NUTM2F: variants seen among roughly 807,000 people sequenced by gnomAD.
NUTM2F encodes the protein family with sequence similarity 22, member F.
A neutral mutation model predicts 43.3 loss-of-function variants in NUTM2F; 22 were observed. That is an observed-to-expected ratio of 0.51 (90% CI 0.36 to 0.73). NUTM2F has a LOEUF of 0.73. Among genes scored for constraint, NUTM2F ranks in the 30% least tolerant of loss-of-function variants. NUTM2F has a pLI of 0.00. For missense variants in NUTM2F, 488 were observed against 927.4 expected, an observed-to-expected ratio of 0.53 and a Z score of 6.15; for synonymous variants, 202 against 389.0, an observed-to-expected ratio of 0.52 and a Z score of 5.66.
chr9:94,323,827 C>G (rs1306654447), intron 2 of NUTM2F, among the ~76,000 whole-genome samples: 1 of 152,172 alleles, frequency 6.6e-6, no homozygotes, highest in African/African-American at 2.4e-5. Flanking sequence ...CAGGCTCCAC[C>G]ACCGCTGTGC....
At position 94,325,704 on chromosome 9, in the gene NUTM2F, C is replaced by G; in HGVS notation, c.247G>C (p.Val83Leu). 3.1e-6 allele frequency: 5 copies of G among 1,611,582 alleles called. No homozygotes were observed. The highest frequency in any genetic ancestry group is 4.2e-6 in the Non-Finnish European group (5 of 1,179,832). Reference sequence around the variant, plus strand: ...GGCCCCACTTCTGTCCTCATCTGGACAAAGACGTTGGAAGCCCCGGCCCCA... The same window carrying G: ...GGCCCCACTTCTGTCCTCATCTGGAGAAAGACGTTGGAAGCCCCGGCCCCA... Reference protein sequence around the residue: ...PSGAGASNVFVQMRTEVGPVK... With the variant: ...PSGAGASNVFLQMRTEVGPVK... The change falls in exon 2 of 7, where the codon GTC (valine) becomes CTC (leucine). Residue 83 changes from valine to leucine, a missense_variant. Val to Leu is a conservative substitution (Grantham distance 32). Transcript: ENST00000253262.
At chr9:94,324,326 C>T (rs1456451402) in intron 2 of NUTM2F, among the ~76,000 whole-genome samples, 3 of 151,494 alleles carry the variant, frequency 2.0e-5, no homozygotes, top group Non-Finnish European at 2.9e-5. Flanking sequence ...ACACCAAGAA[C>T]GCTCTCTGAC....
rs539354060 is a variant in NUTM2F at position 94,320,520 on chromosome 9, C to T, written c.1056G>A (p.Ala352=). ...CLPPPRPQRP[A]ETKAHLPPPR... ...GTGGTGGCAGGTGGGCCTTGGTCTC[C>T]GCTGGCCTCTGGGGCCTGGGTGGTG... Residue 352 remains alanine (A), a synonymous_variant, in exon 5 of 7, where the codon GCG becomes GCA. Transcript: ENST00000253262. The surrounding 1 kb of genome is among the most constrained non-coding windows in gnomAD (Gnocchi z 4.5). 25 of 1,611,416 alleles carry T rather than the reference C, an allele frequency of 1.6e-5. No homozygotes were observed. The highest frequency in any genetic ancestry group is 5.3e-5 in the African/African-American group (4 of 74,948).
At chr9:94,326,059 C>T in intron 1 of NUTM2F, 125 bp from the exon 2 acceptor site, 2 of 852,458 alleles carry the variant, frequency 2.3e-6, no homozygotes, top group South Asian at 3.4e-5. Context: ...TTGCAAGTGT[C>T]CCTGAGTGTG....
intron 3 of NUTM2F, 29 bp from the exon 4 acceptor site, chr9:94,321,261 T>G: frequency 6.4e-7 from 1 of 1,567,664 alleles, no homozygotes; most frequent in East Asian, 2.3e-5. Flanking sequence ...CAGGCTGTGC[T>G]GAGAGGGTCC....
intron 2 of NUTM2F, among the ~76,000 whole-genome samples, 200 bp from the exon 3 acceptor site, chr9:94,322,529 G>A (rs775592764): frequency 2.0e-5 from 3 of 152,310 alleles, no homozygotes; most frequent in South Asian, 2.1e-4. Context: ...TGGCCTCTCC[G>A]ACTGCCTCTC....
Position 94,321,158 on chromosome 9 carries a change from G to A in NUTM2F, c.917C>T (p.Pro306Leu). 1 of 1,549,256 alleles carries A rather than the reference G, an allele frequency of 6.5e-7. No individual in the cohort carries two copies. The highest frequency in any genetic ancestry group is 1.4e-5 in the African/African-American group (1 of 73,658). The change falls in exon 4 of 7, where the codon CCT becomes CTT. Residue 306 changes from proline (P) to leucine (L), a missense_variant. Transcript: ENST00000253262. ...SQWMKGPQSL[P>L]PPAPPRLEPR... ...TTCAAGCCTCGGCGGGGCTGGAGGA[G>A]GCAGGCTCTGGGGCCCCTTCATCCA...
rs1164537522 is a variant in NUTM2F, at chr9:94,325,825, G to A, written c.126C>T (p.Pro42=). ...TPAPGPAHRP[P]LVTAVVPPAG... ...CTGGAGGAACCACTGCAGTCACGAG[G>A]GGCGGCCTGTGTGCTGGGCCGGGAG... The change falls in exon 2 of 7, where the codon CCC becomes CCT. Residue 42 remains proline, a synonymous_variant. Coordinates refer to ENST00000253262, the MANE Select transcript of NUTM2F (RefSeq NM_017561.2). The A allele has an allele frequency of 3.1e-6, 5 of 1,612,170 alleles. No homozygotes were observed. In the South Asian group the frequency reaches 5.5e-5, roughly 18 times the overall value.
rs767745329 is a variant in NUTM2F at position 94,319,044 on chromosome 9, T to C, written c.1692A>G (p.Arg564=). 2 of 1,417,886 alleles carry C rather than the reference T, an allele frequency of 1.4e-6. No individual in the cohort carries two copies. Among genetic ancestry groups the C allele is most frequent in the Non-Finnish European group, 1.9e-6 (2 of 1,036,230 alleles). 87.8% of individuals were successfully genotyped at this position (1,417,886 alleles called of 1,614,324 possible). ...TAAQDPQGQG[R]VRTGMARSED... is the part of the protein sequence containing the mutation. ...CGGACCTGGCCATGCCAGTGCGCAC[T>C]CTGCCCTGTCCCTGAGGGTCCTGGG... Residue 564 remains arginine (R), a synonymous_variant, in exon 7 of 7, where the codon AGA becomes AGG. Coordinates refer to ENST00000253262, the MANE Select transcript of NUTM2F (RefSeq NM_017561.2).
chr9:94,323,180 C>T (rs1176796244), intron 2 of NUTM2F, among the ~76,000 whole-genome samples: 8 of 151,958 alleles, frequency 5.3e-5, no homozygotes, highest in African/African-American at 1.7e-4. Flanking sequence ...CCTGTGAGCC[C>T]GGGGCGGCTA....
In NUTM2F at chr9:94,318,968, C is replaced by A. The variant is rs1176856419; in HGVS notation, c.1768G>T (p.Val590Phe). 1 of 1,611,616 alleles carries A rather than the reference C, an allele frequency of 6.2e-7. No individual in the cohort carries two copies. Among genetic ancestry groups the A allele is most frequent in the South Asian group, 1.1e-5 (1 of 90,876 alleles). The change falls in exon 7 of 7, where the codon GTC becomes TTC. Residue 590 changes from valine to phenylalanine, a missense_variant. Physicochemically the swap from Val to Phe is conservative, Grantham distance 50. Transcript: ENST00000253262. ...TCCTGGGGAGGAGAGGTTGGCCGGA[C>A]AGCCTTCAGCCTGGGGGAATCCTGA... Reference protein sequence around the residue: ...GCQDSPRLKAVRPTSPPQDHR... With the variant: ...GCQDSPRLKAFRPTSPPQDHR...
In NUTM2F at chr9:94,325,795, G is replaced by A; in HGVS notation, c.156C>T (p.Gly52=). The stretch of plus-strand genomic sequence containing the variant: ...TGGGGAAGGCAGAGAGCACCAGAGG[G>A]CCGGCTGGAGGAACCACTGCAGTCA... The part of the protein sequence containing the change: ...PLVTAVVPPA[G]PLVLSAFPST... The change falls in exon 2 of 7, where the codon GGC becomes GGT. Residue 52 remains glycine, a synonymous_variant. Coordinates refer to ENST00000253262, the MANE Select transcript of NUTM2F (RefSeq NM_017561.2). The A allele has an allele frequency of 1.9e-6, 3 of 1,612,154 alleles. No homozygotes were observed. Among genetic ancestry groups the A allele is most frequent in the South Asian group, 2.2e-5 (2 of 91,004 alleles).
At position 94,321,421 on chromosome 9, in the gene NUTM2F, G is replaced by A. The variant is rs533841029; in HGVS notation, c.843-189C>T. Reference sequence around the variant, plus strand: ...TTCTGGGCTCACCCTCCCTCACCCGGCCCCTGCAGAGCCCATGGCATCAAT... The same window carrying A: ...TTCTGGGCTCACCCTCCCTCACCCGACCCCTGCAGAGCCCATGGCATCAAT... On this transcript the variant is annotated intron_variant, in intron 3 of 6. Coordinates refer to ENST00000253262, the MANE Select transcript of NUTM2F (RefSeq NM_017561.2). 6.6e-5 allele frequency among the ~76,000 whole-genome samples: 10 copies of A among 151,024 alleles called. No homozygotes were observed. In the East Asian group the frequency reaches 1.4e-3, roughly 21 times the overall value.
chr9:94,324,888 G>A (rs1305747575), intron 2 of NUTM2F, among the ~76,000 whole-genome samples: 2 of 148,372 alleles, frequency 1.3e-5, no homozygotes, highest in African/African-American at 5.0e-5. Flanking sequence ...TCAGGAAGCT[G>A]AGGCAGCAGA....
intron 3 of NUTM2F, among the ~76,000 whole-genome samples, chr9:94,321,583 C>A (rs1362118756): frequency 6.8e-6 from 1 of 146,094 alleles, no homozygotes; most frequent in African/African-American, 2.5e-5. Context: ...AGTCCTGAGG[C>A]TGGGACTGTG....
Position 94,322,196 on chromosome 9 carries a change from C to A in NUTM2F, c.842+5G>T, listed in dbSNP as rs372875264. ...CGGGCCCTGCCCCCAGGACCCCAGACTCACTTTTCCGCCATCTCGTAGAAG... is the reference window on the plus strand; with the variant it reads ...CGGGCCCTGCCCCCAGGACCCCAGAATCACTTTTCCGCCATCTCGTAGAAG... On this transcript the variant is annotated splice_donor_5th_base_variant and intron_variant, in intron 3 of 6. Coordinates refer to ENST00000253262, the MANE Select transcript of NUTM2F (RefSeq NM_017561.2). 1 of 1,612,038 alleles carries A rather than the reference C, an allele frequency of 6.2e-7. No individual in the cohort carries two copies. Among genetic ancestry groups the A allele is most frequent in the Non-Finnish European group, 8.5e-7 (1 of 1,179,862 alleles).
chr9:94,326,221 C>T (rs1349775418), intron 1 of NUTM2F, among the ~76,000 whole-genome samples: 1 of 152,016 alleles, frequency 6.6e-6, no homozygotes, highest in African/African-American at 2.4e-5. Flanking sequence ...GCAGACTGCA[C>T]CAGCCTCACA....
rs1469053603 is a variant in NUTM2F, at chr9:94,320,990, G to A, written c.982+103C>T. ...CCCGGAAGCTGTCCTGTTGGAGGGA[G>A]CAAATCCCCCTCTTGAAGGGAAGCA... On this transcript the variant is annotated intron_variant, in intron 4 of 6. Transcript: ENST00000253262. This position sits in a 1 kb window ranked among gnomAD's most constrained non-coding sequence, Gnocchi z 4.5. 8.1e-6 allele frequency: 12 copies of A among 1,475,076 alleles called. No individual in the cohort carries two copies. Among genetic ancestry groups the A allele is most frequent in the Admixed American group, 2.3e-5 (1 of 42,924 alleles). The allele number at this position is 1,475,076 out of a possible 1,614,324, so 91.4% of individuals were successfully genotyped here. A position where few individuals can be genotyped will look rare whatever the true frequency, so the allele number is the denominator to read the frequency against.
At chr9:94,328,505 C>T in intron 1 of NUTM2F, 103 bp downstream of exon 1, 1 of 1,572,892 alleles carries the variant, frequency 6.4e-7, no homozygotes, top group Non-Finnish European at 8.7e-7. Flanking sequence ...CTCCCTCCCT[C>T]AACATCAGCC....
Sources: allele counts gnomAD v4.1 joint callset (sites outside exome capture counted in the v4.1 genomes callset), GRCh38; gene constraint gnomAD v4.1.1; non-coding constraint Gnocchi (gnomAD v3.1); transcripts MANE v1.5; gene names NCBI Gene and HGNC (gene_info 2026-07-23, HGNC 2026-07-21).